Variants in EPS15 observed in about 807,000 individuals in gnomAD.
EPS15 encodes the protein epidermal growth factor receptor substrate 15.
EPS15 carries 72 observed loss-of-function variants against 113.8 expected under a neutral mutation model. That is an observed-to-expected ratio of 0.63 (90% CI 0.52 to 0.77). EPS15 has a LOEUF of 0.77. EPS15 is among the 30% of genes least tolerant of loss of function. The probability of loss-of-function intolerance (pLI) is 0.00; values close to 1 mark genes in which losing one functional copy is unlikely to be tolerated. For missense variants in EPS15, 1,048 were observed against 1,045.8 expected, an observed-to-expected ratio of 1.00 and a Z score of -0.03; for synonymous variants, 344 against 363.4, an observed-to-expected ratio of 0.95 and a Z score of 0.61.
chr1:51,453,358 C>T (rs935997493), intron 8 of EPS15, among the ~76,000 whole-genome samples: 1 of 152,112 alleles, frequency 6.6e-6, no homozygotes, highest in African/African-American at 2.4e-5. Flanking sequence ...AATAGTTTCC[C>T]TGGCAAAACT....
chr1:51,426,835 CTCTA>C (rs1197309689), intron 12 of EPS15, among the ~76,000 whole-genome samples: 2 of 139,498 alleles, frequency 1.4e-5, no homozygotes, highest in African/African-American at 5.6e-5. Flanking sequence ...CTCTCTCTCT[CTCTA>C]TATATATATA....
At chr1:51,433,650 A>C (rs1651911935) in intron 12 of EPS15, among the ~76,000 whole-genome samples, 1 of 152,254 alleles carries the variant, frequency 6.6e-6, no homozygotes. Flanking sequence ...AACTGAAATA[A>C]AGTTATTACC....
intron 1 of EPS15, among the ~76,000 whole-genome samples, chr1:51,518,713 G>A (rs1644776244): frequency 6.6e-6 from 1 of 152,130 alleles, no homozygotes; most frequent in Non-Finnish European, 1.5e-5. Context: ...CTGCGCGTCC[G>A]GCTCTGGAAG....
chr1:51,447,989 A>C, intron 9 of EPS15, 57 bp downstream of exon 9: 1 of 1,595,330 alleles, frequency 6.3e-7, no homozygotes, highest in Non-Finnish European at 8.5e-7. Flanking sequence ...AGGAGTGGTA[A>C]GATTCCTTGG....
intron 21 of EPS15, chr1:51,372,392 G>C: frequency 1.9e-6 from 1 of 536,070 alleles, no homozygotes; most frequent in South Asian, 1.4e-5. Flanking sequence ...TGGGGTCATG[G>C]CAGACAAAAG....
chr1:51,444,769 C>T lies in EPS15; in HGVS notation c.954+120G>A. On this transcript the variant is annotated intron_variant, in intron 11 of 24. Coordinates refer to ENST00000371733, the MANE Select transcript of EPS15 (RefSeq NM_001981.3). ...CACAAACTAAACCACAAACAGTATA[C>T]TGTTCTGCTCTTAGCCAGATACATT... 3.1e-6 allele frequency: 3 copies of T among 980,060 alleles called. No individual in the cohort carries two copies. In the South Asian group the frequency reaches 4.9e-5, roughly 16 times the overall value. 60.7% of individuals were successfully genotyped at this position (980,060 alleles called of 1,614,324 possible).
At chr1:51,391,985 G>A (rs1216055161) in intron 21 of EPS15, among the ~76,000 whole-genome samples, 2 of 152,152 alleles carry the variant, frequency 1.3e-5, no homozygotes, top group Non-Finnish European at 2.9e-5. Flanking sequence ...GATGTGACTA[G>A]AGATATAGAT....
chr1:51,359,643 A>G (rs917045188), intron 24 of EPS15, among the ~76,000 whole-genome samples: 10 of 151,354 alleles, frequency 6.6e-5, no homozygotes. Flanking sequence ...CTGCAATCCC[A>G]GCTACTCGGG....
chr1:51,468,187 T>A (rs1654987406), intron 5 of EPS15, among the ~76,000 whole-genome samples: 1 of 152,076 alleles, frequency 6.6e-6, no homozygotes, highest in Non-Finnish European at 1.5e-5. Context: ...CTTGAACTCC[T>A]GGGTTCAAAT....
intron 21 of EPS15, among the ~76,000 whole-genome samples, chr1:51,387,974 T>C (rs944192505): frequency 2.0e-5 from 3 of 152,170 alleles, no homozygotes; most frequent in South Asian, 2.1e-4. Context: ...GCAGACCTAA[T>C]AGACATCTAC....
At chr1:51,499,294 C>T (rs1644375420) in intron 1 of EPS15, among the ~76,000 whole-genome samples, 1 of 152,176 alleles carries the variant, frequency 6.6e-6, no homozygotes, top group Non-Finnish European at 1.5e-5. Context: ...TTCAAGGTTT[C>T]TTCATGTTGT....
intron 21 of EPS15, among the ~76,000 whole-genome samples, chr1:51,384,390 T>G (rs1647014506): frequency 6.9e-6 from 1 of 144,524 alleles, no homozygotes; most frequent in African/African-American, 2.5e-5. Context: ...AATCTCTGCC[T>G]CCTCGGCTCA....
intron 21 of EPS15, among the ~76,000 whole-genome samples, chr1:51,389,959 A>T (rs1457506673): frequency 6.6e-6 from 1 of 152,218 alleles, no homozygotes; most frequent in African/African-American, 2.4e-5. Flanking sequence ...GAATTGGAAA[A>T]AACTACTTTA....
intron 8 of EPS15, among the ~76,000 whole-genome samples, chr1:51,449,332 A>C (rs940406525): frequency 6.6e-6 from 1 of 152,158 alleles, no homozygotes; most frequent in Non-Finnish European, 1.5e-5. Flanking sequence ...GCAAACTAAC[A>C]CAGGAACAGA....
At chr1:51,508,543 G>A (rs915239088) in intron 1 of EPS15, among the ~76,000 whole-genome samples, 5 of 152,288 alleles carry the variant, frequency 3.3e-5, no homozygotes, top group Non-Finnish European at 4.4e-5. Flanking sequence ...ACTCAGAGAT[G>A]TCACAAATGG....
intron 2 of EPS15, among the ~76,000 whole-genome samples, chr1:51,476,660 A>G (rs1350321565): frequency 6.6e-6 from 1 of 151,946 alleles, no homozygotes; most frequent in Non-Finnish European, 1.5e-5. Context: ...TCCTGGATTC[A>G]TTGATTTTTT....
At chr1:51,387,077 G>A (rs1335044857) in intron 21 of EPS15, among the ~76,000 whole-genome samples, 2 of 152,052 alleles carry the variant, frequency 1.3e-5, no homozygotes, top group African/African-American at 2.4e-5. Context: ...GAGAAAGGTC[G>A]GGTTACCCAC....
At chr1:51,422,126 A>C (rs779124016) in intron 12 of EPS15, 44 of 983,176 alleles carry the variant, frequency 4.5e-5, no homozygotes, top group Non-Finnish European at 4.7e-5. Context: ...ATAATCAATG[A>C]AACACTCAGG....
intron 12 of EPS15, chr1:51,423,689 C>T: frequency 1.0e-6 from 1 of 985,410 alleles, no homozygotes; most frequent in Non-Finnish European, 1.2e-6. Context: ...TAACTGCTGT[C>T]ACTGACAGTG....
Sources: gnomAD v4.1 joint callset for allele counts (sites outside exome capture counted in the v4.1 genomes callset) on GRCh38, gnomAD v4.1.1 for gene constraint, MANE v1.5 for transcripts, NCBI Gene and HGNC (gene_info 2026-07-23, HGNC 2026-07-21) for gene names.